The following THSD7B variants were observed in gnomAD, a reference collection of about 807,000 sequenced individuals.
THSD7B encodes thrombospondin type 1 domain containing 7B, also known as thrombospondin type-1 domain-containing protein 7B.
THSD7B carries 138 observed loss-of-function variants against 213.6 expected under a neutral mutation model. That is an observed-to-expected ratio of 0.65 (90% confidence interval 0.56 to 0.74). The LOEUF is 0.74. Among genes scored for constraint, THSD7B ranks in the 30% least tolerant of loss-of-function variants. The pLI is 0.00. For missense variants in THSD7B, 1,931 were observed against 1,991.5 expected (o/e 0.97, Z 0.58); for synonymous variants, 742 against 687.0 (o/e 1.08, Z -1.25).
intron 12 of THSD7B, among the ~76,000 whole-genome samples, chr2:137,357,795 A>G (rs1685167637): frequency 6.6e-6 from 1 of 152,188 alleles, no homozygotes; most frequent in Non-Finnish European, 1.5e-5. Context: ...AGTAGTGATG[A>G]TGAAATTACA....
intron 1 of THSD7B, among the ~76,000 whole-genome samples, chr2:136,795,856 C>T (rs1165200205): frequency 6.6e-6 from 1 of 151,948 alleles, no homozygotes; most frequent in Non-Finnish European, 1.5e-5. Flanking sequence ...TTTCAGCATG[C>T]ATACTTATTA....
intron 2 of THSD7B, among the ~76,000 whole-genome samples, chr2:136,892,227 A>C (rs577538117): frequency 3.5e-4 from 53 of 152,212 alleles, no homozygotes; most frequent in African/African-American, 1.2e-3. Flanking sequence ...TTAAGTCTCC[A>C]AGGAGAGAGC....
chr2:136,949,125 A>G (rs945505418), intron 2 of THSD7B, among the ~76,000 whole-genome samples: 1 of 151,996 alleles, frequency 6.6e-6, no homozygotes, highest in African/African-American at 2.4e-5. Flanking sequence ...CAGCTGGGGG[A>G]CAATTGTGGT....
At chr2:137,067,768 C>T (rs1418236774) in intron 3 of THSD7B, among the ~76,000 whole-genome samples, 1 of 151,964 alleles carries the variant, frequency 6.6e-6, no homozygotes. Context: ...AAGATAGTTT[C>T]CTGTGAGGGC....
At chr2:136,802,658 T>TATA (rs1266085318) in intron 1 of THSD7B, among the ~76,000 whole-genome samples, 1 of 119,746 alleles carries the variant, frequency 8.4e-6, no homozygotes, top group Non-Finnish European at 1.7e-5. Context: ...TATATATATA[T>TATA]ATATATATAT....
At chr2:137,526,803 T>C (rs1573685959) in intron 15 of THSD7B, among the ~76,000 whole-genome samples, 1 of 152,266 alleles carries the variant, frequency 6.6e-6, no homozygotes, top group South Asian at 2.1e-4. Context: ...TGATAAATGT[T>C]TTGAATAAGA....
At chr2:137,664,845 CAAGCA>C (rs951176679) in intron 26 of THSD7B, among the ~76,000 whole-genome samples, 1 of 152,112 alleles carries the variant, frequency 6.6e-6, no homozygotes, top group African/African-American at 2.4e-5. Flanking sequence ...TACAAATGAT[CAAGCA>C]AAGCAACATT....
intron 11 of THSD7B, among the ~76,000 whole-genome samples, chr2:137,272,870 G>A (rs1682778742): frequency 6.6e-6 from 1 of 151,984 alleles, no homozygotes; most frequent in East Asian, 1.9e-4. Context: ...AGGGGGAAAA[G>A]GAAGCACGTT....
intron 2 of THSD7B, among the ~76,000 whole-genome samples, chr2:137,053,464 A>G (rs1350490976): frequency 6.6e-6 from 1 of 152,148 alleles, no homozygotes; most frequent in Non-Finnish European, 1.5e-5. Flanking sequence ...AATTCTGTAA[A>G]GAAAGAGGAG....
chr2:137,416,437 C>T (rs755623867), intron 14 of THSD7B, among the ~76,000 whole-genome samples: 11 of 152,126 alleles, frequency 7.2e-5, no homozygotes, highest in Admixed American at 2.6e-4. Flanking sequence ...TCCTTTCTTC[C>T]GCTCTTGTGT....
chr2:136,913,291 A>G lies in THSD7B; in HGVS notation c.139+30974A>G, dbSNP rs1218193358. The stretch of plus-strand genomic sequence containing the variant: ...TAAGGAACAAAGCATTCAAGAGGTG[A>G]CTTGGGTACTGTTAAAGACATTCAG... On this transcript the variant is annotated intron_variant, in intron 2 of 27. Coordinates refer to ENST00000409968, the MANE Select transcript of THSD7B (RefSeq NM_001316349.2). Among the ~76,000 whole-genome samples, 5 of 152,242 alleles carry G rather than the reference A, an allele frequency of 3.3e-5. No homozygotes were observed. In the East Asian group the frequency reaches 9.6e-4, roughly 29 times the overall value.
At chr2:137,421,167 T>C (rs1330832565) in intron 14 of THSD7B, among the ~76,000 whole-genome samples, 1 of 152,096 alleles carries the variant, frequency 6.6e-6, no homozygotes, top group Non-Finnish European at 1.5e-5. Context: ...ACAACACCAA[T>C]CATCAACACA....
intron 1 of THSD7B, among the ~76,000 whole-genome samples, chr2:136,854,464 C>A (rs1049010577): frequency 6.6e-6 from 1 of 151,846 alleles, no homozygotes; most frequent in East Asian, 1.9e-4. Flanking sequence ...AACTTTCTAA[C>A]CACCCCGCAC....
intron 4 of THSD7B, among the ~76,000 whole-genome samples, chr2:137,109,644 T>C (rs1330724508): frequency 6.6e-6 from 1 of 152,090 alleles, no homozygotes; most frequent in Non-Finnish European, 1.5e-5. Context: ...CAGTTCACAA[T>C]AGGGTTTGCA....
intron 12 of THSD7B, among the ~76,000 whole-genome samples, chr2:137,310,826 G>A (rs142029035): frequency 0.024 from 3,678 of 151,902 alleles, 156 homozygotes; most frequent in African/African-American, 0.084. Flanking sequence ...GATATGCGGC[G>A]TTATTTCTGA....
chr2:137,341,987 G>A (rs1018961073), intron 12 of THSD7B, among the ~76,000 whole-genome samples: 1 of 151,032 alleles, frequency 6.6e-6, no homozygotes, highest in Admixed American at 6.6e-5. Flanking sequence ...TGTTGTTGTT[G>A]CTCCATATGA....
At chr2:137,147,991 G>T (rs1403956576) in intron 5 of THSD7B, among the ~76,000 whole-genome samples, 1 of 152,000 alleles carries the variant, frequency 6.6e-6, no homozygotes, top group African/African-American at 2.4e-5. Context: ...TTATAGTGAT[G>T]TTAGGTGCTT....
chr2:137,577,375 A>G (rs80058067), intron 17 of THSD7B, among the ~76,000 whole-genome samples: 3,571 of 152,158 alleles, frequency 0.023, 79 homozygotes, highest in East Asian at 0.076. Context: ...TTTGATATTT[A>G]ATATGCTTGT....
chr2:137,674,810 C>A (rs1683658117), intron 27 of THSD7B, among the ~76,000 whole-genome samples: 1 of 152,136 alleles, frequency 6.6e-6, no homozygotes, highest in Non-Finnish European at 1.5e-5. Flanking sequence ...GCACCCGCTG[C>A]ATGCCAGGTG....
Sources: allele counts gnomAD v4.1 joint callset (sites outside exome capture counted in the v4.1 genomes callset), GRCh38; gene constraint gnomAD v4.1.1; transcripts MANE v1.5; gene names NCBI Gene and HGNC (gene_info 2026-07-23, HGNC 2026-07-21).